The following CTNND2 variants were observed in gnomAD, a reference collection of about 807,000 sequenced individuals.
The protein encoded by CTNND2 is catenin delta-2.
CTNND2 carries 22 observed loss-of-function variants against 144.4 expected under a neutral mutation model. The observed-to-expected ratio is 0.15, with a 90% CI of 0.11 to 0.22. The LOEUF is 0.22. Among genes scored for constraint, CTNND2 ranks in the 10% least tolerant of loss-of-function variants. The pLI, the probability that CTNND2 is intolerant of heterozygous loss-of-function variation, is 1.00. For missense variants in CTNND2, 1,353 were observed against 1,618.8 expected (o/e 0.84, Z 2.82); for synonymous variants, 751 against 695.6 (o/e 1.08, Z -1.25).
chr5:11,348,170 T>G, intron 8 of CTNND2, among the ~76,000 whole-genome samples: 1 of 152,220 alleles, frequency 6.6e-6, no homozygotes, highest in Non-Finnish European at 1.5e-5. Context: ...AATAATCAGA[T>G]TAGGCTAATA....
At chr5:11,123,608 T>G (rs558016424) in intron 12 of CTNND2, among the ~76,000 whole-genome samples, 1 of 152,368 alleles carries the variant, frequency 6.6e-6, no homozygotes, top group Non-Finnish European at 1.5e-5. Flanking sequence ...TGTTCAGCCC[T>G]GTGGCTTCTC....
At chr5:11,869,536 G>A (rs542545620) in intron 1 of CTNND2, among the ~76,000 whole-genome samples, 4 of 152,162 alleles carry the variant, frequency 2.6e-5, no homozygotes, top group Non-Finnish European at 5.9e-5. Flanking sequence ...AATTCATAAA[G>A]ACAGGAAGTA....
At chr5:11,595,802 GACA>G (rs1324286019) in intron 2 of CTNND2, among the ~76,000 whole-genome samples, 3 of 152,068 alleles carry the variant, frequency 2.0e-5, no homozygotes, top group African/African-American at 7.2e-5. Flanking sequence ...AATACACAAC[GACA>G]ACGATTGCCA....
intron 9 of CTNND2, among the ~76,000 whole-genome samples, chr5:11,345,621 CA>C: frequency 6.6e-6 from 1 of 152,190 alleles, no homozygotes; most frequent in Non-Finnish European, 1.5e-5. Flanking sequence ...TCTGACATAT[CA>C]ACAGTATTCA....
At chr5:11,416,663 C>A (rs1426247471) in intron 3 of CTNND2, among the ~76,000 whole-genome samples, 3 of 152,148 alleles carry the variant, frequency 2.0e-5, no homozygotes, top group Non-Finnish European at 4.4e-5. Context: ...GTCACAGACA[C>A]ACTCATATCA....
At chr5:11,561,622 T>A (rs1164843726) in intron 3 of CTNND2, among the ~76,000 whole-genome samples, 1 of 152,248 alleles carries the variant, frequency 6.6e-6, no homozygotes, top group East Asian at 1.9e-4. Context: ...GATCTCCAGA[T>A]TGCTTGTCCC....
chr5:11,233,109 A>G (rs1240593165), intron 10 of CTNND2, among the ~76,000 whole-genome samples: 1 of 152,090 alleles, frequency 6.6e-6, no homozygotes, highest in African/African-American at 2.4e-5. Flanking sequence ...TCTTCTTTAT[A>G]AACTGCTCAG....
intron 18 of CTNND2, among the ~76,000 whole-genome samples, chr5:11,004,568 A>G (rs1016576481): frequency 1.3e-5 from 2 of 152,154 alleles, no homozygotes; most frequent in African/African-American, 4.8e-5. Flanking sequence ...GTTTGAGATC[A>G]GCCTCAGCAA....
chr5:11,602,852 C>A (rs1779873898), intron 2 of CTNND2, among the ~76,000 whole-genome samples: 1 of 148,784 alleles, frequency 6.7e-6, no homozygotes, highest in East Asian at 2.0e-4. Flanking sequence ...ATACTACTTT[C>A]CATTTTTCAA....
intron 11 of CTNND2, among the ~76,000 whole-genome samples, chr5:11,164,553 G>C (rs931102195): frequency 2.6e-5 from 4 of 152,096 alleles, no homozygotes; most frequent in African/African-American, 9.7e-5. Context: ...CCCTGTGCTG[G>C]TGGGCCAGGT....
rs549258411 is a variant in CTNND2, at chr5:11,377,056, T to C, written c.1177+7609A>G. Among the ~76,000 whole-genome samples the C allele has an allele frequency of 1.2e-3, 41 of 34,018 alleles. 1 individual carries two copies. The South Asian group carries it at 0.021, about 18-fold the overall frequency. 22.3% of individuals were successfully genotyped at this position (34,018 alleles called of 152,430 possible). On this transcript the variant is annotated intron_variant, in intron 7 of 21. Transcript: ENST00000304623. ...CCCTGGTCTCTGTGTTTTTGTCTCC[T>C]TTTTTTTTTTTTGAGAAGGAGGCTC... is the stretch of plus-strand genomic sequence containing the variant.
chr5:11,072,253 CT>C (rs1227310425), intron 16 of CTNND2, among the ~76,000 whole-genome samples: 3 of 152,182 alleles, frequency 2.0e-5, no homozygotes, highest in Non-Finnish European at 4.4e-5. Flanking sequence ...CTTAGTGAGC[CT>C]TAATTGAAAG....
At chr5:11,145,464 G>A (rs1757152203) in intron 12 of CTNND2, among the ~76,000 whole-genome samples, 1 of 152,054 alleles carries the variant, frequency 6.6e-6, no homozygotes, top group Non-Finnish European at 1.5e-5. Flanking sequence ...AGATGCAGAT[G>A]AGGATGCCTG....
chr5:11,660,533 G>A (rs762656095), intron 2 of CTNND2, among the ~76,000 whole-genome samples: 1 of 152,104 alleles, frequency 6.6e-6, no homozygotes, highest in African/African-American at 2.4e-5. Flanking sequence ...TCTGGAGTAG[G>A]CTCAGTTTCC....
intron 2 of CTNND2, among the ~76,000 whole-genome samples, chr5:11,608,066 C>T (rs1780144136): frequency 1.3e-5 from 2 of 152,060 alleles, no homozygotes; most frequent in Admixed American, 1.3e-4. Context: ...TTAATACTGT[C>T]AATTTTGACC....
chr5:11,005,298 G>A (rs1740366947), intron 18 of CTNND2, among the ~76,000 whole-genome samples: 2 of 152,236 alleles, frequency 1.3e-5, no homozygotes, highest in South Asian at 2.1e-4. Context: ...CAGGGTGGAC[G>A]GAAGTCAGCG....
chr5:11,086,015 G>A (rs1049326433), intron 15 of CTNND2, among the ~76,000 whole-genome samples: 7 of 152,162 alleles, frequency 4.6e-5, no homozygotes, highest in Admixed American at 2.6e-4. Context: ...GGGAGGATTC[G>A]TGTAGCCCCA....
intron 9 of CTNND2, among the ~76,000 whole-genome samples, chr5:11,237,035 T>C (rs1741720161): frequency 6.6e-6 from 1 of 151,756 alleles, no homozygotes; most frequent in East Asian, 1.9e-4. Context: ...TTTTTTTTTT[T>C]TTTAGACAGA....
intron 2 of CTNND2, among the ~76,000 whole-genome samples, chr5:11,722,855 C>T (rs935193773): frequency 2.6e-5 from 4 of 152,116 alleles, no homozygotes. Context: ...CAAACCATAT[C>T]AAACACATAT....
Sources: allele counts gnomAD v4.1 joint callset (sites outside exome capture counted in the v4.1 genomes callset), GRCh38; gene constraint gnomAD v4.1.1; transcripts MANE v1.5; gene names NCBI Gene and HGNC (gene_info 2026-07-23, HGNC 2026-07-21).